CDH18: variants seen among roughly 807,000 people sequenced by gnomAD.
CDH18 encodes cadherin 18.
CDH18 carries 31 observed loss-of-function variants against 67.9 expected under a neutral mutation model. That is an observed-to-expected ratio of 0.46 (90% CI 0.34 to 0.62). The LOEUF (loss-of-function observed/expected upper bound fraction) is 0.62. Among genes scored for constraint, CDH18 ranks in the 20% least tolerant of loss-of-function variants. The pLI, the probability that CDH18 is intolerant of heterozygous loss-of-function variation, is 0.01. For missense variants in CDH18, 890 were observed against 975.5 expected (o/e 0.91, Z 1.17); for synonymous variants, 362 against 347.2 (o/e 1.04, Z -0.48).
intron 1 of CDH18, among the ~76,000 whole-genome samples, chr5:20,272,566 G>T (rs1023878665): frequency 4.6e-5 from 7 of 151,722 alleles, no homozygotes; most frequent in Non-Finnish European, 7.4e-5. Context: ...TTTGGAGTGA[G>T]ACTAAACAGA....
intron 2 of CDH18, among the ~76,000 whole-genome samples, chr5:20,044,356 T>A (rs2150478497): frequency 6.6e-6 from 1 of 152,270 alleles, no homozygotes. Flanking sequence ...AGAAGGTTTT[T>A]TATTATGATG....
At chr5:19,595,039 A>T (rs561926555) in intron 6 of CDH18, among the ~76,000 whole-genome samples, 1 of 152,176 alleles carries the variant, frequency 6.6e-6, no homozygotes, top group African/African-American at 2.4e-5. Flanking sequence ...ATATAAAAAA[A>T]CAGGCTCCAC....
chr5:20,559,897 G>T (rs10072906), intron 1 of CDH18, among the ~76,000 whole-genome samples: 91,888 of 151,916 alleles, frequency 0.6, 29,226 homozygotes, highest in African/African-American at 0.82. Flanking sequence ...TGCAGGCTGC[G>T]GATTCATTTG....
chr5:20,227,885 C>A (rs1232115525), intron 2 of CDH18, among the ~76,000 whole-genome samples: 1 of 152,070 alleles, frequency 6.6e-6, no homozygotes, highest in African/African-American at 2.4e-5. Flanking sequence ...CTTTTTCTCT[C>A]TTCTCTGTCA....
intron 5 of CDH18, among the ~76,000 whole-genome samples, chr5:19,708,153 A>C (rs1764204624): frequency 6.6e-6 from 1 of 152,196 alleles, no homozygotes; most frequent in Admixed American, 6.5e-5. Flanking sequence ...ATCTAGAAGG[A>C]CACTCTACAA....
chr5:20,418,915 C>T (rs1420449695), intron 1 of CDH18, among the ~76,000 whole-genome samples: 1 of 151,964 alleles, frequency 6.6e-6, no homozygotes, highest in Non-Finnish European at 1.5e-5. Flanking sequence ...TTTTATACAA[C>T]AGACACCAAA....
intron 2 of CDH18, among the ~76,000 whole-genome samples, chr5:20,068,357 T>C (rs1359323382): frequency 6.6e-6 from 1 of 152,038 alleles, no homozygotes; most frequent in African/African-American, 2.4e-5. Flanking sequence ...ACATCATTGG[T>C]TTTGGGTTCA....
rs181817986 is a variant in CDH18, at chr5:20,085,409, A to C, written c.-517-93395T>G. 2.6e-4 allele frequency among the ~76,000 whole-genome samples: 40 copies of C among 152,228 alleles called. No homozygotes were observed. The East Asian group carries it at 7.5e-3, about 29-fold the overall frequency. ...TTCAACAAATCCCTAGGAAATTCCA[A>C]AATTTCCCATGCTTTCCTGTCTTCT... On this transcript the variant is annotated intron_variant, in intron 2 of 14. Coordinates refer to the CDH18 transcript ENST00000507958.
intron 1 of CDH18, among the ~76,000 whole-genome samples, chr5:20,412,015 T>C (rs1746828095): frequency 6.6e-6 from 1 of 152,136 alleles, no homozygotes; most frequent in South Asian, 2.1e-4. Context: ...TCACTTTTCA[T>C]AGAATTAGAA....
At chr5:20,173,448 G>C (rs1736997668) in intron 2 of CDH18, among the ~76,000 whole-genome samples, 1 of 152,146 alleles carries the variant, frequency 6.6e-6, no homozygotes, top group African/African-American at 2.4e-5. Flanking sequence ...AGGAGGAAAA[G>C]CAATCTAGAT....
intron 1 of CDH18, among the ~76,000 whole-genome samples, chr5:20,486,004 A>G (rs1753147341): frequency 6.6e-6 from 1 of 152,204 alleles, no homozygotes; most frequent in South Asian, 2.1e-4. Flanking sequence ...CTAACAGATA[A>G]AGAAGGGGCT....
chr5:19,745,856 G>C (rs981484717), intron 4 of CDH18, among the ~76,000 whole-genome samples: 1 of 151,820 alleles, frequency 6.6e-6, no homozygotes, highest in African/African-American at 2.4e-5. Flanking sequence ...GACTAACATG[G>C]GCTGGAATCT....
At chr5:20,007,784 A>T (rs1737039902) in intron 2 of CDH18, among the ~76,000 whole-genome samples, 1 of 151,470 alleles carries the variant, frequency 6.6e-6, no homozygotes, top group African/African-American at 2.4e-5. Flanking sequence ...TACATTTTTT[A>T]AATGGTTAAG....
At chr5:20,343,586 T>A (rs1046872578) in intron 1 of CDH18, among the ~76,000 whole-genome samples, 3 of 151,770 alleles carry the variant, frequency 2.0e-5, no homozygotes, top group African/African-American at 7.3e-5. Context: ...GAACAAGGAG[T>A]CCATAAAGCA....
intron 5 of CDH18, among the ~76,000 whole-genome samples, chr5:19,642,236 T>A (rs143308902): frequency 6.6e-6 from 1 of 152,130 alleles, no homozygotes; most frequent in African/African-American, 2.4e-5. Flanking sequence ...TCAACACTGC[T>A]GCAATGTCCA....
chr5:20,030,933 G>A (rs970022336), intron 2 of CDH18, among the ~76,000 whole-genome samples: 2 of 152,100 alleles, frequency 1.3e-5, no homozygotes, highest in African/African-American at 4.8e-5. Flanking sequence ...GCTGCAGTGG[G>A]AATAATTGAC....
intron 2 of CDH18, among the ~76,000 whole-genome samples, chr5:20,059,134 T>A (rs1231343542): frequency 2.0e-5 from 3 of 152,204 alleles, no homozygotes; most frequent in Non-Finnish European, 4.4e-5. Context: ...TTTATAGTAT[T>A]CTCTGATGGT....
chr5:19,942,715 T>C (rs1301572344), intron 2 of CDH18, among the ~76,000 whole-genome samples: 1 of 152,158 alleles, frequency 6.6e-6, no homozygotes, highest in Non-Finnish European at 1.5e-5. Context: ...GATTAAAGAA[T>C]GAGGCTTTGG....
intron 1 of CDH18, among the ~76,000 whole-genome samples, chr5:20,438,303 C>T (rs888053020): frequency 8.0e-5 from 12 of 150,888 alleles, no homozygotes; most frequent in African/African-American, 2.7e-4. Context: ...ACATTATCCA[C>T]TCTCTGAAAA....
Sources: allele counts gnomAD v4.1 joint callset (sites outside exome capture counted in the v4.1 genomes callset), GRCh38; gene constraint gnomAD v4.1.1; transcripts MANE v1.5; gene names NCBI Gene and HGNC (gene_info 2026-07-23, HGNC 2026-07-21).